MGMT: variants seen among roughly 807,000 people sequenced by gnomAD.
MGMT encodes O-6-methylguanine-DNA methyltransferase.
Under a neutral mutation model 15.9 loss-of-function variants are expected in MGMT, and 14 were observed. The observed-to-expected ratio is 0.88, with a 90% CI of 0.58 to 1.37. The LOEUF is 1.37. Among genes scored for constraint, MGMT ranks in the 40% most tolerant of loss-of-function variants. MGMT has a pLI of 0.00. For synonymous variants in MGMT, 130 were observed against 118.2 expected, an observed-to-expected ratio of 1.10 and a Z score of -0.65; for missense variants, 282 against 268.1, an observed-to-expected ratio of 1.05 and a Z score of -0.36.
chr10:129,496,642 CA>C (rs1182447359), intron 1 of MGMT, among the ~76,000 whole-genome samples: 36 of 152,164 alleles, frequency 2.4e-4, no homozygotes, highest in African/African-American at 8.2e-4. Flanking sequence ...TCAGCTTGTG[CA>C]GCCGTGGAAT....
intron 2 of MGMT, among the ~76,000 whole-genome samples, chr10:129,589,354 C>T (rs147092018): frequency 0.033 from 4,974 of 152,306 alleles, 130 homozygotes; most frequent in South Asian, 0.065. Flanking sequence ...GCCTGGCACA[C>T]GCCCTGCCAG....
intron 2 of MGMT, among the ~76,000 whole-genome samples, chr10:129,582,299 TGA>T (rs1275777006): frequency 6.6e-6 from 1 of 152,174 alleles, no homozygotes; most frequent in Non-Finnish European, 1.5e-5. Flanking sequence ...AACAAGCCGT[TGA>T]GAGTGTGCTC....
intron 2 of MGMT, among the ~76,000 whole-genome samples, chr10:129,665,470 A>C (rs1354152537): frequency 2.6e-5 from 4 of 151,872 alleles, no homozygotes; most frequent in Non-Finnish European, 4.4e-5. Flanking sequence ...TGATACATAC[A>C]ACATCATGAA....
intron 2 of MGMT, among the ~76,000 whole-genome samples, chr10:129,679,637 G>A (rs572554242): frequency 7.4e-4 from 113 of 152,206 alleles, no homozygotes; most frequent in African/African-American, 2.5e-3. Context: ...TTTATGTTAG[G>A]TGTTAACATT....
chr10:129,716,731 G>A (rs1323334985), intron 3 of MGMT, among the ~76,000 whole-genome samples: 2 of 152,168 alleles, frequency 1.3e-5, no homozygotes, highest in Non-Finnish European at 2.9e-5. Flanking sequence ...GATATTAAAG[G>A]CTATCCCTAG....
At chr10:129,564,545 C>T (rs910270650) in intron 2 of MGMT, among the ~76,000 whole-genome samples, 1 of 95,842 alleles carries the variant, frequency 1.0e-5, no homozygotes, top group Admixed American at 9.9e-5. Flanking sequence ...CCTCCACTTC[C>T]TCATCTTCCT....
chr10:129,700,023 G>C (rs201238082), intron 2 of MGMT: 1 of 152,108 alleles, frequency 6.6e-6, no homozygotes, highest in Middle Eastern at 3.4e-3. Flanking sequence ...TTGATGTTTT[G>C]TGCGTGTTTA....
chr10:129,479,292 A>G lies in MGMT; in HGVS notation c.-13+11996A>G, dbSNP rs563881396. Among the ~76,000 whole-genome samples the G allele has an allele frequency of 3.3e-5, 5 of 152,314 alleles. No homozygotes were observed. In the South Asian group the frequency reaches 1.0e-3, roughly 32 times the overall value. The stretch of plus-strand genomic sequence containing the variant: ...AAAAACAATTCAGGCTGTTGGAAGT[A>G]TATTTTACAAGTATGCGTTGGGCCT... On this transcript the variant is annotated intron_variant, in intron 1 of 4. Transcript: ENST00000651593.
At chr10:129,721,315 G>A (rs535367917) in intron 3 of MGMT, among the ~76,000 whole-genome samples, 37 of 152,348 alleles carry the variant, frequency 2.4e-4, no homozygotes, top group African/African-American at 7.5e-4. Context: ...CGGAGTTCGC[G>A]AGAAGAGGGA....
At chr10:129,567,581 C>T (rs1444115024) in intron 2 of MGMT, among the ~76,000 whole-genome samples, 1 of 152,050 alleles carries the variant, frequency 6.6e-6, no homozygotes, top group Non-Finnish European at 1.5e-5. Flanking sequence ...AAGTAGCAAC[C>T]TTATTCAAGG....
chr10:129,618,473 G>T (rs1408853024), intron 2 of MGMT, among the ~76,000 whole-genome samples: 1 of 152,034 alleles, frequency 6.6e-6, no homozygotes, highest in Non-Finnish European at 1.5e-5. Context: ...TTCCACAATT[G>T]TTTTGGCTCT....
chr10:129,652,454 A>G (rs947423846), intron 2 of MGMT, among the ~76,000 whole-genome samples: 9 of 152,208 alleles, frequency 5.9e-5, no homozygotes, highest in African/African-American at 9.6e-5. Context: ...GAGGGAACGG[A>G]GGAGACTGGA....
At chr10:129,672,528 CATT>C (rs1847736462) in intron 2 of MGMT, among the ~76,000 whole-genome samples, 1 of 152,144 alleles carries the variant, frequency 6.6e-6, no homozygotes, top group African/African-American at 2.4e-5. Context: ...CGTTATTTCC[CATT>C]ATTTTATATC....
intron 3 of MGMT, among the ~76,000 whole-genome samples, chr10:129,742,728 T>G (rs1349509204): frequency 1.6e-5 from 2 of 121,658 alleles, no homozygotes; most frequent in African/African-American, 3.2e-5. Context: ...AGTGCCCCAC[T>G]ACCATAGCAG....
At chr10:129,493,216 A>G (rs561769163) in intron 1 of MGMT, among the ~76,000 whole-genome samples, 52 of 152,230 alleles carry the variant, frequency 3.4e-4, no homozygotes, top group Admixed American at 1.3e-3. Flanking sequence ...GCCTGGAACC[A>G]GGGGGTCTCA....
At chr10:129,616,906 C>A (rs917794106) in intron 2 of MGMT, among the ~76,000 whole-genome samples, 1 of 152,166 alleles carries the variant, frequency 6.6e-6, no homozygotes. Context: ...CTTGACGAGC[C>A]CAGACTCTGA....
intron 2 of MGMT, among the ~76,000 whole-genome samples, chr10:129,658,055 G>A (rs1564751031): frequency 6.6e-6 from 1 of 152,232 alleles, no homozygotes; most frequent in East Asian, 1.9e-4. Flanking sequence ...AAAACCTAAA[G>A]GTGATCTCCC....
At chr10:129,552,022 T>C (rs964229859) in intron 2 of MGMT, among the ~76,000 whole-genome samples, 7 of 152,162 alleles carry the variant, frequency 4.6e-5, no homozygotes, top group Non-Finnish European at 1.0e-4. Flanking sequence ...AGCTTGGCAG[T>C]CATGGGACCA....
At chr10:129,483,036 A>G (rs993558822) in intron 1 of MGMT, among the ~76,000 whole-genome samples, 2 of 152,152 alleles carry the variant, frequency 1.3e-5, no homozygotes, top group Non-Finnish European at 2.9e-5. Context: ...CCAATTTAAC[A>G]TTCTGTCTAC....
Sources: allele counts gnomAD v4.1 joint callset (sites outside exome capture counted in the v4.1 genomes callset), GRCh38; gene constraint gnomAD v4.1.1; transcripts MANE v1.5; gene names NCBI Gene and HGNC (gene_info 2026-07-23, HGNC 2026-07-21).